CAPRIN2: variants seen among roughly 807,000 people sequenced by gnomAD.
The protein encoded by CAPRIN2 is caprin-2.
Under a neutral mutation model 130.4 loss-of-function variants are expected in CAPRIN2, and 66 were observed. The ratio of observed to expected loss-of-function variants is 0.51; its 90% CI spans 0.42 to 0.62. The LOEUF (loss-of-function observed/expected upper bound fraction) is 0.62, where lower values mean the gene tolerates loss of function less well. Ranked by LOEUF, CAPRIN2 falls within the 20% of genes least tolerant of loss-of-function variation. The pLI, the probability that CAPRIN2 is intolerant of heterozygous loss-of-function variation, is 0.00. For missense variants in CAPRIN2, 1,185 were observed against 1,246.6 expected, an observed-to-expected ratio of 0.95 and a Z score of 0.74; for synonymous variants, 471 against 444.1, an observed-to-expected ratio of 1.06 and a Z score of -0.76.
chr12:30,719,354 A>T (rs556343947), intron 12 of CAPRIN2, 129 bp from the exon 14 acceptor site: 1 of 1,034,856 alleles, frequency 9.7e-7, no homozygotes, highest in South Asian at 1.6e-5. Context: ...AATGCAAAAG[A>T]ATAGCTTTTG....
chr12:30,717,474 T>C (rs2058000729), intron 12 of CAPRIN2, among the ~76,000 whole-genome samples: 1 of 152,134 alleles, frequency 6.6e-6, no homozygotes, highest in Admixed American at 6.5e-5. Context: ...CTGTTTGGAA[T>C]AATGACAAAG....
At chr12:30,747,420 G>A (rs1046733823) in intron 2 of CAPRIN2, among the ~76,000 whole-genome samples, 6 of 152,184 alleles carry the variant, frequency 3.9e-5, no homozygotes, top group Non-Finnish European at 8.8e-5. Context: ...GCTCACACCT[G>A]TAATCCCAGC....
chr12:30,732,173 AC>A (rs2062935225), intron 5 of CAPRIN2, among the ~76,000 whole-genome samples: 1 of 152,046 alleles, frequency 6.6e-6, no homozygotes. Context: ...CTACCACCTG[AC>A]CATTTGATGA....
rs570016104 is a variant in CAPRIN2 at position 30,710,308 on chromosome 12, G to C, written c.2828C>G (p.Pro943Arg). Residue 943 changes from proline (P) to arginine (R), a missense_variant, in exon 17 of 17, where the codon CCT becomes CGT. Around this residue, in one of 2 missense-constraint regions of CAPRIN2, gnomAD observed 1,104 missense variants for 1,104.3 expected, o/e 1.00. Coordinates refer to ENST00000298892, the Ensembl canonical transcript of CAPRIN2. The surrounding 1 kb of genome is among the most constrained non-coding windows in gnomAD (Gnocchi z 4.8). ...TGAGAAGGCAACTCGCATCTGCTGA[G>C]GCAGAGGGTAGACGTGTACTGGCAG... The C allele has an allele frequency of 1.2e-6, 2 of 1,614,188 alleles. No individual in the cohort carries two copies. Among genetic ancestry groups the C allele is most frequent in the Non-Finnish European group, 1.7e-6 (2 of 1,180,034 alleles).
intron 5 of CAPRIN2, among the ~76,000 whole-genome samples, chr12:30,732,178 T>C (rs573687290): frequency 1.3e-4 from 20 of 152,146 alleles, no homozygotes; most frequent in African/African-American, 4.6e-4. Context: ...ACCTGACCAT[T>C]TGATGATCAA....
At chr12:30,714,018 A>T in intron 14 of CAPRIN2, 133 bp from the exon 17 acceptor site, 2 of 497,956 alleles carry the variant, frequency 4.0e-6, no homozygotes, top group Non-Finnish European at 7.2e-6. Flanking sequence ...CTCTTTAAGC[A>T]AACTCTACTA....
At position 30,710,262 on chromosome 12, in the gene CAPRIN2, C is replaced by T. The variant is rs766177185; in HGVS notation, c.2874G>A (p.Leu958=). 1.3e-4 allele frequency: 209 copies of T among 1,613,998 alleles called. No homozygotes were observed. The highest frequency in any genetic ancestry group is 1.6e-4 in the Non-Finnish European group (189 of 1,180,026). The stretch of plus-strand genomic sequence containing the variant: ...TAGGTTGGTCTAAAGTTCCAGGGGC[C>T]AGATTAGAGGTTCTGGCTGCTGAGA... The change falls in exon 17 of 17, where the codon CTG becomes CTA. Residue 958 remains leucine (L), a synonymous_variant. Transcript: ENST00000298892. The surrounding 1 kb of genome is among the most constrained non-coding windows in gnomAD (Gnocchi z 4.8).
chr12:30,753,777 T>A (rs750325947), exon 1 of CAPRIN2: 5 of 1,588,396 alleles, frequency 3.1e-6, no homozygotes, highest in East Asian at 4.5e-5. Context: ...ACTTTTAAAG[T>A]AATTAGTGCC....
chr12:30,730,242 T>C (rs577310425), exon 7 of CAPRIN2: 5 of 1,610,538 alleles, frequency 3.1e-6, no homozygotes, highest in East Asian at 2.2e-5. Context: ...ATCTTACCTC[T>C]TGTGGTTGTA....
chr12:30,716,613 A>G, exon 13 of CAPRIN2: 1 of 1,614,000 alleles, frequency 6.2e-7, no homozygotes, highest in Non-Finnish European at 8.5e-7. Context: ...TAGCCAGGTG[A>G]ATAAGGGGAT....
At chr12:30,735,565 T>C (rs1026935494) in intron 3 of CAPRIN2, among the ~76,000 whole-genome samples, 3 of 152,056 alleles carry the variant, frequency 2.0e-5, no homozygotes, top group Non-Finnish European at 4.4e-5. Flanking sequence ...CCTTTTAGGA[T>C]TTTTTTTAAA....
chr12:30,715,101 A>C (rs766359706), exon 14 of CAPRIN2: 2 of 1,613,944 alleles, frequency 1.2e-6, no homozygotes, highest in African/African-American at 1.3e-5. Context: ...AGGCAAGGCT[A>C]CCATTGCTTA....
intron 8 of CAPRIN2, among the ~76,000 whole-genome samples, chr12:30,727,166 G>T (rs1168265972): frequency 6.6e-6 from 1 of 152,120 alleles, no homozygotes; most frequent in Non-Finnish European, 1.5e-5. Context: ...TTTAAAAGCA[G>T]CTTTGAGATA....
rs927003563 is a variant in CAPRIN2, at chr12:30,710,409, A to T, written c.2727T>A (p.Ser909Arg). The T allele has an allele frequency of 2.5e-6, 4 of 1,614,114 alleles. No individual in the cohort carries two copies. The Admixed American group carries it at 6.7e-5, about 27-fold the overall frequency. The change falls in exon 17 of 17, where the codon AGT becomes AGA. Residue 909 changes from serine to arginine, a missense_variant. Physicochemically the swap from Ser to Arg is moderately radical, Grantham distance 110. Transcript: ENST00000298892. The surrounding 1 kb of genome is among the most constrained non-coding windows in gnomAD (Gnocchi z 4.8). ...GGGAGTCTCCTTGTCCAGAGTCACC[A>T]CTGTTAAAGGTTTCGTTGTCTCTTT...
intron 5 of CAPRIN2, among the ~76,000 whole-genome samples, chr12:30,732,768 C>A (rs374906352): frequency 1.3e-5 from 2 of 151,962 alleles, no homozygotes; most frequent in East Asian, 1.9e-4. Context: ...CATGGGTATA[C>A]CACATTTTAT....
chr12:30,732,062 A>C (rs557599972), intron 5 of CAPRIN2, among the ~76,000 whole-genome samples: 12 of 151,918 alleles, frequency 7.9e-5, no homozygotes, highest in Non-Finnish European at 1.8e-4. Flanking sequence ...TAATATTATT[A>C]ATCTATTTTA....
intron 12 of CAPRIN2, chr12:30,720,483 T>C (rs2059071576): frequency 5.6e-6 from 1 of 177,460 alleles, no homozygotes; most frequent in Non-Finnish European, 1.2e-5. Flanking sequence ...CTTTCATTTA[T>C]ACAAATAAGA....
chr12:30,738,143 C>T (rs1241123676), intron 3 of CAPRIN2, among the ~76,000 whole-genome samples: 1 of 152,022 alleles, frequency 6.6e-6, no homozygotes, highest in East Asian at 1.9e-4. Flanking sequence ...AAAAGTACTG[C>T]CAAGCACCTT....
rs1290060935 is a variant in CAPRIN2 at position 30,753,385 on chromosome 12, T to C, written c.379A>G (p.Ile127Val). 5 of 1,613,590 alleles carry C rather than the reference T, an allele frequency of 3.1e-6. No homozygotes were observed. The East Asian group carries it at 6.7e-5, about 22-fold the overall frequency. Residue 127 changes from isoleucine (I) to valine (V), a missense_variant, in exon 1 of 17, where the codon ATA (isoleucine) becomes GTA (valine). Around this residue, in one of 2 missense-constraint regions of CAPRIN2, gnomAD observed 1,104 missense variants for 1,104.3 expected, o/e 1.00. Coordinates refer to ENST00000298892, the Ensembl canonical transcript of CAPRIN2. ...TTTCTAATTTTGTGTTTAAGGCATA[T>C]GAGTCCATTTTCAATATAGGTCTCA...
Sources: allele counts gnomAD v4.1 joint callset (sites outside exome capture counted in the v4.1 genomes callset), GRCh38; gene constraint gnomAD v4.1.1; regional missense constraint gnomAD v4.1.1; non-coding constraint Gnocchi (gnomAD v3.1); transcripts MANE v1.5; gene names NCBI Gene and HGNC (gene_info 2026-07-23, HGNC 2026-07-21).